Variants in MPP1 observed in about 807,000 individuals in gnomAD.
MPP1 encodes the protein MAGUK p55 scaffold protein 1.
In MPP1, 6 loss-of-function variants were observed where a neutral mutation model predicts 38.2. The ratio of observed to expected loss-of-function variants is 0.16; its 90% CI spans 0.09 to 0.31. MPP1 has a LOEUF of 0.31. Ranked by LOEUF, MPP1 falls within the 10% of genes least tolerant of loss-of-function variation. The pLI is 1.00. For synonymous variants in MPP1, 153 were observed against 146.3 expected (o/e 1.05, Z -0.33); for missense variants, 293 against 368.9 (o/e 0.79, Z 1.69).
chrX:154,796,791 G>T (rs1297715763), intron 1 of MPP1, among the ~76,000 whole-genome samples: 1 of 112,100 alleles, frequency 8.9e-6, no homozygotes, highest in Non-Finnish European at 1.9e-5. Flanking sequence ...GAGAAAAATC[G>T]AAAGGAAGAG....
intron 1 of MPP1, among the ~76,000 whole-genome samples, chrX:154,796,191 C>T (rs1292390197): frequency 1.8e-5 from 2 of 108,411 alleles, no homozygotes; most frequent in Non-Finnish European, 3.8e-5. Flanking sequence ...AGTGCAGTGG[C>T]GTGATCTCGG....
At chrX:154,791,962 T>A in intron 2 of MPP1, 115 bp from the exon 3 acceptor site, 1 of 949,172 alleles carries the variant, frequency 1.1e-6, no homozygotes, top group Non-Finnish European at 1.5e-6. Context: ...CCCAGGATAG[T>A]CCTCAACTAG....
At position 154,779,192 on chromosome X, in the gene MPP1, G is replaced by T. The variant is rs1557266292; in HGVS notation, c.1386C>A (p.Val462=). The change falls in exon 12 of 12, where the codon GTC becomes GTA. Residue 462 remains valine (V), a synonymous_variant. Coordinates refer to ENST00000369534, the MANE Select transcript of MPP1 (RefSeq NM_002436.4). The part of the protein sequence containing the change: ...QACSSPQWVP[V]SWVY ...TTCTACAAGCTTAGTAAACCCAGGA[G>T]ACAGGCACCCACTGTGGAGAACTGC... 8.3e-7 allele frequency: 1 copy of T among 1,210,002 alleles called. No individual in the cohort carries two copies. Among genetic ancestry groups the T allele is most frequent in the Non-Finnish European group, 1.1e-6 (1 of 894,594 alleles).
intron 5 of MPP1, among the ~76,000 whole-genome samples, chrX:154,787,267 C>A (rs1183883085): frequency 1.8e-5 from 2 of 111,047 alleles, no homozygotes; most frequent in Middle Eastern, 4.6e-3. Flanking sequence ...AGCATGATAC[C>A]CAAATCTGAC....
At position 154,786,334 on chromosome X, in the gene MPP1, C is replaced by A; in HGVS notation, c.547G>T (p.Gly183Ter). ...ATGTCCCCAGTAGCAAACTTCAGTC[C>A]CGCCTCCTTGCAAGGGATCAGATTG... ...KDNLIPCKEA[G>*]LKFATGDIIQ... The change falls in exon 6 of 12, where the codon GGA (glycine) becomes TGA (stop). Residue 183 changes from glycine (G) to a stop codon, truncating the protein, a stop_gained. Coordinates refer to ENST00000369534, the MANE Select transcript of MPP1 (RefSeq NM_002436.4). LOFTEE classifies it high-confidence loss of function. 1 of 1,211,425 alleles carries A rather than the reference C, an allele frequency of 8.3e-7. No homozygotes were observed. The highest frequency in any genetic ancestry group is 1.1e-6 in the Non-Finnish European group (1 of 895,367).
chrX:154,791,090 A>T, intron 3 of MPP1, 22 bp from the exon 4 acceptor site: 5 of 1,182,315 alleles, frequency 4.2e-6, no homozygotes, highest in Non-Finnish European at 5.7e-6. Context: ...TGAAAAATCA[A>T]TCCACAAAAG....
In MPP1 at chrX:154,805,305, C is replaced by T; in HGVS notation, c.69G>A (p.Leu23=). 1 of 1,208,079 alleles carries T rather than the reference C, an allele frequency of 8.3e-7. No homozygotes were observed. The highest frequency in any genetic ancestry group is 1.1e-6 in the Non-Finnish European group (1 of 893,420). Residue 23 remains leucine (L), a synonymous_variant, in exon 1 of 12, where the codon CTG becomes CTA. Coordinates refer to ENST00000369534, the MANE Select transcript of MPP1 (RefSeq NM_002436.4). ...SMHTALSDLY[L]EHLLQKRSRP... is the part of the protein sequence containing the mutation. ...GACTACGCTTCTGCAGCAAATGCTC[C>T]AGGTAGAGGTCGGAGAGCGCCGTGT...
intron 9 of MPP1, chrX:154,782,022 G>A (rs781901357): frequency 4.0e-5 from 13 of 328,552 alleles, no homozygotes; most frequent in Non-Finnish European, 6.8e-5. Flanking sequence ...AAGGGGCAAA[G>A]CCTAACATAG....
intron 5 of MPP1, among the ~76,000 whole-genome samples, chrX:154,789,600 C>T (rs1557267517): frequency 9.0e-6 from 1 of 111,634 alleles, no homozygotes; most frequent in Non-Finnish European, 1.9e-5. Flanking sequence ...TAGTTTTCCT[C>T]CTGTGAATGA....
rs906703140 is a variant in MPP1 at position 154,805,315 on chromosome X, T to C, written c.59A>G (p.Asp20Gly). The change falls in exon 1 of 12, where the codon GAC becomes GGC. Residue 20 changes from aspartate (D) to glycine (G), a missense_variant. Coordinates refer to ENST00000369534, the MANE Select transcript of MPP1 (RefSeq NM_002436.4). Reference sequence around the variant, plus strand: ...CTGCAGCAAATGCTCCAGGTAGAGGTCGGAGAGCGCCGTGTGCATGCTGCC... The same window carrying C: ...CTGCAGCAAATGCTCCAGGTAGAGGCCGGAGAGCGCCGTGTGCATGCTGCC... The part of the protein sequence containing the change: ...SGGSMHTALS[D>G]LYLEHLLQKR... 3 of 1,206,947 alleles carry C rather than the reference T, an allele frequency of 2.5e-6. No homozygotes were observed. Among genetic ancestry groups the C allele is most frequent in the Non-Finnish European group, 1.1e-6 (1 of 893,276 alleles).
At chrX:154,788,476 G>GA (rs782784436) in intron 5 of MPP1, among the ~76,000 whole-genome samples, 1 of 111,141 alleles carries the variant, frequency 9.0e-6, no homozygotes, top group African/African-American at 3.3e-5. Context: ...GCCAAAGGGT[G>GA]AAAAAAAACC....
At chrX:154,779,398 A>G in intron 11 of MPP1, 45 bp from the exon 12 acceptor site, 1 of 1,130,826 alleles carries the variant, frequency 8.8e-7, no homozygotes, top group Admixed American at 2.5e-5. Context: ...CACCACCCCC[A>G]GCCCAGAGAG....
chrX:154,780,966 A>G (rs2071985556), intron 11 of MPP1, among the ~76,000 whole-genome samples: 1 of 112,306 alleles, frequency 8.9e-6, no homozygotes, highest in Non-Finnish European at 1.9e-5. Flanking sequence ...GATCTGCTCA[A>G]CTGTCCATCT....
chrX:154,792,240 T>C lies in MPP1; in HGVS notation c.148A>G (p.Asn50Asp). The C allele has an allele frequency of 2.5e-6, 3 of 1,211,781 alleles. No individual in the cohort carries two copies. Among genetic ancestry groups the C allele is most frequent in the Non-Finnish European group, 3.4e-6 (3 of 895,393 alleles). Residue 50 changes from asparagine (N) to aspartate (D), a missense_variant, in exon 2 of 12, where the codon AAC becomes GAC. Transcript: ENST00000369534. ...LNTVTEDMYT[N>D]GSPAPGSPAQ... ...GGGCTACCTGGGGCAGGAGACCCGTTGGTGTACATGTCCTCGGTCACAGTA... is the reference window on the plus strand; with the variant it reads ...GGGCTACCTGGGGCAGGAGACCCGTCGGTGTACATGTCCTCGGTCACAGTA...
At chrX:154,784,407 GA>G (rs1674679364) in intron 7 of MPP1, among the ~76,000 whole-genome samples, 1 of 110,689 alleles carries the variant, frequency 9.0e-6, no homozygotes, top group Non-Finnish European at 1.9e-5. Flanking sequence ...TTCAGTATCA[GA>G]TGTTCCCTTG....
intron 8 of MPP1, 127 bp from the exon 9 acceptor site, chrX:154,783,634 G>A: frequency 1.8e-6 from 1 of 542,778 alleles, no homozygotes; most frequent in African/African-American, 2.3e-5. Flanking sequence ...ATCTGGGCTG[G>A]GGTCAACTCT....
chrX:154,788,537 C>G (rs1557267449), intron 5 of MPP1, among the ~76,000 whole-genome samples: 1 of 112,018 alleles, frequency 8.9e-6, no homozygotes, highest in African/African-American at 3.2e-5. Context: ...ACAACCAGAA[C>G]TGTCATACTG....
chrX:154,798,378 G>C (rs2072220255), intron 1 of MPP1, among the ~76,000 whole-genome samples: 1 of 112,227 alleles, frequency 8.9e-6, no homozygotes, highest in Non-Finnish European at 1.9e-5. Flanking sequence ...CCAAAATACA[G>C]GTGAACAGTT....
Position 154,779,232 on chromosome X carries a change from G to T in MPP1, c.1346C>A (p.Ala449Asp). Residue 449 changes from alanine to aspartate, a missense_variant, in exon 12 of 12, where the codon GCC (alanine) becomes GAC (aspartate). Coordinates refer to ENST00000369534, the MANE Select transcript of MPP1 (RefSeq NM_002436.4). Reference protein sequence around the residue: ...VDETLKKLQEAFDQACSSPQW... With the variant: ...VDETLKKLQEDFDQACSSPQW... ...TGGAGAACTGCACGCTTGGTCGAAG[G>T]CTTCTTGTAATTTCTTAAGGGTTTC... 3 of 1,211,775 alleles carry T rather than the reference G, an allele frequency of 2.5e-6. No homozygotes were observed. The South Asian group carries it at 5.3e-5, about 21-fold the overall frequency.
Sources: gnomAD v4.1 joint callset for allele counts (sites outside exome capture counted in the v4.1 genomes callset) on GRCh38, gnomAD v4.1.1 for gene constraint, MANE v1.5 for transcripts, NCBI Gene and HGNC (gene_info 2026-07-23, HGNC 2026-07-21) for gene names.